MAP3K3: variants seen among roughly 807,000 people sequenced by gnomAD.
The protein encoded by MAP3K3 is MAP/ERK kinase kinase 3.
In MAP3K3, 12 loss-of-function variants were observed where a neutral mutation model predicts 80.9. That is an observed-to-expected ratio of 0.15 (90% CI 0.10 to 0.24). MAP3K3 has a LOEUF of 0.24. MAP3K3 is among the 10% of genes least tolerant of loss of function. The pLI, the probability that MAP3K3 is intolerant of heterozygous loss-of-function variation, is 1.00. For synonymous variants in MAP3K3, 272 were observed against 307.1 expected, an observed-to-expected ratio of 0.89 and a Z score of 1.19; for missense variants, 596 against 834.7, an observed-to-expected ratio of 0.71 and a Z score of 3.52.
intron 6 of MAP3K3, chr17:63,668,002 G>C (rs915456167): frequency 2.0e-5 from 3 of 152,222 alleles, no homozygotes; most frequent in South Asian, 2.1e-4. Context: ...GGGAGTCTGG[G>C]GAGAAAGCCC....
rs1424134528 is a variant in MAP3K3, at chr17:63,681,682, G to A, written c.503-84G>A. ...TCTGAGTCACATTCCTGACCTCTAG[G>A]GCCTAATAGTTGGCCCCATGCCTGC... On this transcript the variant is annotated intron_variant, in intron 6 of 15. Transcript: ENST00000361733. 12 of 1,263,338 alleles carry A rather than the reference G, an allele frequency of 9.5e-6. No individual in the cohort carries two copies. The East Asian group carries it at 1.7e-4, about 18-fold the overall frequency. The allele number at this position is 1,263,338 out of a possible 1,614,324, so 78.3% of individuals were successfully genotyped here. A position where few individuals can be genotyped will look rare whatever the true frequency, so the allele number is the denominator to read the frequency against.
At chr17:63,651,148 G>A (rs1172970321) in intron 3 of MAP3K3, among the ~76,000 whole-genome samples, 2 of 152,030 alleles carry the variant, frequency 1.3e-5, no homozygotes, top group Admixed American at 1.3e-4. Context: ...AAAATGGTCG[G>A]CCATCAGTAG....
chr17:63,649,793 T>G (rs2034614060), intron 3 of MAP3K3, among the ~76,000 whole-genome samples: 1 of 152,226 alleles, frequency 6.6e-6, no homozygotes. Flanking sequence ...CAGATGCAGT[T>G]CTAGATGATG....
chr17:63,630,463 G>A (rs1314329638), intron 1 of MAP3K3, among the ~76,000 whole-genome samples: 1 of 152,064 alleles, frequency 6.6e-6, no homozygotes, highest in East Asian at 1.9e-4. Flanking sequence ...AAGTAGCTGA[G>A]CCTACAGCGT....
intron 6 of MAP3K3, among the ~76,000 whole-genome samples, chr17:63,677,390 C>T (rs893569052): frequency 6.6e-6 from 1 of 152,218 alleles, no homozygotes. Flanking sequence ...AAGTAGGAAG[C>T]AGGCAGTAGG....
chr17:63,687,578 T>C (rs1000897111), intron 8 of MAP3K3, among the ~76,000 whole-genome samples: 4 of 150,104 alleles, frequency 2.7e-5, no homozygotes, highest in Non-Finnish European at 5.9e-5. Flanking sequence ...TAGTCCCAGC[T>C]ACTTGGGAGG....
At chr17:63,639,514 C>T (rs1427933577) in intron 2 of MAP3K3, among the ~76,000 whole-genome samples, 1 of 152,046 alleles carries the variant, frequency 6.6e-6, no homozygotes, top group African/African-American at 2.4e-5. Context: ...TCACTGATTA[C>T]CTTATGAACA....
chr17:63,643,091 A>T (rs976383176), intron 2 of MAP3K3, among the ~76,000 whole-genome samples: 11 of 152,138 alleles, frequency 7.2e-5, no homozygotes, highest in South Asian at 2.1e-4. Context: ...AAAAAAAATT[A>T]AACAAAAACA....
chr17:63,688,657 G>T (rs1387382590), intron 9 of MAP3K3, 63 bp downstream of exon 9: 2 of 1,527,672 alleles, frequency 1.3e-6, no homozygotes, highest in East Asian at 4.5e-5. Context: ...AGGTGGCTCT[G>T]CTTCGACTTT....
chr17:63,634,776 G>A (rs1208207768), intron 2 of MAP3K3: 1 of 1,613,906 alleles, frequency 6.2e-7, no homozygotes, highest in Non-Finnish European at 8.5e-7. Flanking sequence ...TCATGTGCAG[G>A]GGCCAGTGAG....
Position 63,692,853 on chromosome 17 carries a change from T to C in MAP3K3, c.1652+434T>C, listed in dbSNP as rs1263639457. Among the ~76,000 whole-genome samples, 1 of 152,220 alleles carries C rather than the reference T, an allele frequency of 6.6e-6. No homozygotes were observed. Among genetic ancestry groups the C allele is most frequent in the Non-Finnish European group, 1.5e-5 (1 of 68,026 alleles). On this transcript the variant is annotated intron_variant, in intron 15 of 15. Transcript: ENST00000361733. The surrounding 1 kb of genome is among the most constrained non-coding windows in gnomAD (Gnocchi z 4.5). ...TGGAAAGCTATTGTGGTGGGCTGAA[T>C]AATGGCCCCCCCAAAGATGTCCACT...
At chr17:63,654,216 G>A (rs1267549399) in intron 4 of MAP3K3, among the ~76,000 whole-genome samples, 4 of 151,842 alleles carry the variant, frequency 2.6e-5, no homozygotes, top group African/African-American at 9.7e-5. Flanking sequence ...CCTATTAGCA[G>A]TTATTCCCCT....
At chr17:63,652,402 G>A (rs542002914) in intron 3 of MAP3K3, among the ~76,000 whole-genome samples, 155 bp from the exon 4 acceptor site, 79 of 152,152 alleles carry the variant, frequency 5.2e-4, no homozygotes, top group South Asian at 1.0e-3. Context: ...CGGTAGAGAA[G>A]AGGAAAAAAG....
At chr17:63,658,551 T>C (rs1961420288) in intron 5 of MAP3K3, among the ~76,000 whole-genome samples, 1 of 152,214 alleles carries the variant, frequency 6.6e-6, no homozygotes, top group African/African-American at 2.4e-5. Flanking sequence ...TTCCAATTAC[T>C]GATTCTTCTA....
intron 1 of MAP3K3, among the ~76,000 whole-genome samples, chr17:63,627,059 A>G (rs990581962): frequency 6.6e-6 from 1 of 152,226 alleles, no homozygotes; most frequent in East Asian, 1.9e-4. Flanking sequence ...TTGAGATACA[A>G]GTAATAGCTC....
At chr17:63,648,299 A>C (rs116745864) in intron 3 of MAP3K3, among the ~76,000 whole-genome samples, 1 of 152,150 alleles carries the variant, frequency 6.6e-6, no homozygotes, top group Admixed American at 6.5e-5. Context: ...TCCTTTTTCA[A>C]TAGTGTGCTA....
At chr17:63,664,530 T>C (rs1217549928) in intron 5 of MAP3K3, among the ~76,000 whole-genome samples, 1 of 152,200 alleles carries the variant, frequency 6.6e-6, no homozygotes, top group Non-Finnish European at 1.5e-5. Context: ...AGATTTTTTA[T>C]TGAGATAATT....
intron 6 of MAP3K3, among the ~76,000 whole-genome samples, chr17:63,678,654 C>A (rs746868904): frequency 1.1e-4 from 17 of 152,334 alleles, no homozygotes; most frequent in Admixed American, 3.9e-4. Flanking sequence ...AATACCAGTT[C>A]AGTGGTGAAT....
At chr17:63,662,894 G>A (rs964884690) in intron 5 of MAP3K3, among the ~76,000 whole-genome samples, 6 of 151,736 alleles carry the variant, frequency 4.0e-5, no homozygotes, top group East Asian at 2.0e-4. Flanking sequence ...GGCTGGTCTC[G>A]AACTCTTAAA....
Sources: gnomAD v4.1 joint callset for allele counts (sites outside exome capture counted in the v4.1 genomes callset) on GRCh38, gnomAD v4.1.1 for gene constraint, Gnocchi (gnomAD v3.1) non-coding constraint, MANE v1.5 for transcripts, NCBI Gene and HGNC (gene_info 2026-07-23, HGNC 2026-07-21) for gene names.